Variants in MAP1B observed in about 807,000 individuals in gnomAD.
MAP1B encodes microtubule associated protein 1B.
MAP1B carries 12 observed loss-of-function variants against 176.1 expected under a neutral mutation model. That is an observed-to-expected ratio of 0.07 (90% confidence interval 0.04 to 0.11). The LOEUF is 0.11. Ranked by LOEUF, MAP1B falls within the 10% of genes least tolerant of loss-of-function variation. MAP1B has a pLI of 1.00. For missense variants in MAP1B, 2,523 were observed against 2,990.5 expected (o/e 0.84, Z 3.65); for synonymous variants, 1,044 against 1,135.0 (o/e 0.92, Z 1.61).
intron 5 of MAP1B, among the ~76,000 whole-genome samples, chr5:72,202,931 G>A (rs1394757278): frequency 3.9e-5 from 6 of 152,290 alleles, no homozygotes; most frequent in East Asian, 1.9e-4. Flanking sequence ...CTTGTCTAGG[G>A]AAAGAAGTAT....
chr5:72,197,660 A>G lies in MAP1B; in HGVS notation c.4305A>G (p.Lys1435=). 1 of 1,614,196 alleles carries G rather than the reference A, an allele frequency of 6.2e-7. No individual in the cohort carries two copies. Among genetic ancestry groups the G allele is most frequent in the African/African-American group, 1.3e-5 (1 of 75,044 alleles). The change falls in exon 5 of 7, where the codon AAA becomes AAG. Residue 1435 remains lysine (K), a synonymous_variant. Coordinates refer to ENST00000296755, the MANE Select transcript of MAP1B (RefSeq NM_005909.5). ...AESPFEEKSG[K]QGSPDQVSPV... ...GTCCTTTTGAAGAAAAGAGTGGAAA[A>G]CAAGGCTCTCCAGACCAAGTAAGTC... is the stretch of plus-strand genomic sequence containing the variant.
At position 72,186,686 on chromosome 5, in the gene MAP1B, G is replaced by A. The variant is rs1026175844; in HGVS notation, c.442G>A (p.Gly148Arg). The A allele has an allele frequency of 5.0e-6, 8 of 1,614,006 alleles. No individual in the cohort carries two copies. Among genetic ancestry groups the A allele is most frequent in the East Asian group, 2.2e-5 (1 of 44,898 alleles). Residue 148 changes from glycine to arginine, a missense_variant, in exon 4 of 7, where the codon GGA becomes AGA. Gly to Arg is a moderately radical substitution (Grantham distance 125, BLOSUM62 -2). Transcript: ENST00000296755. This position sits in a 1 kb window ranked among gnomAD's most constrained non-coding sequence, Gnocchi z 4.3. ...VLTGQCFENT[G>R]ELILQSGSFS... ...GACCGGGCAGTGCTTTGAAAATACC[G>A]GAGAGCTCATTCTCCAGTCCGGCTC... is the stretch of plus-strand genomic sequence containing the variant.
At chr5:72,168,810 C>T (rs1277166522) in intron 2 of MAP1B, among the ~76,000 whole-genome samples, 2 of 152,198 alleles carry the variant, frequency 1.3e-5, no homozygotes, top group East Asian at 3.9e-4. Context: ...GTTCAGAGTA[C>T]ATTTATCAAT....
chr5:72,188,062 G>A (rs959808422), intron 4 of MAP1B, among the ~76,000 whole-genome samples: 1 of 152,132 alleles, frequency 6.6e-6, no homozygotes, highest in Non-Finnish European at 1.5e-5. Flanking sequence ...GGCCGCTAGA[G>A]TTCACGCATC....
chr5:72,114,862 G>A (rs972366402), intron 1 of MAP1B, among the ~76,000 whole-genome samples: 1 of 152,090 alleles, frequency 6.6e-6, no homozygotes, highest in African/African-American at 2.4e-5. Context: ...TTCAGCCTAG[G>A]GAAAGGAAGT....
At chr5:72,158,217 C>T (rs574586279) in intron 2 of MAP1B, among the ~76,000 whole-genome samples, 1 of 150,886 alleles carries the variant, frequency 6.6e-6, no homozygotes, top group South Asian at 2.2e-4. Flanking sequence ...ACTATATTGT[C>T]CAGGGTGGTC....
intron 2 of MAP1B, among the ~76,000 whole-genome samples, chr5:72,171,939 C>T (rs183361791): frequency 1.3e-5 from 2 of 152,326 alleles, no homozygotes; most frequent in Admixed American, 1.3e-4. Flanking sequence ...CCACCTCACC[C>T]TTTGAAATGA....
intron 2 of MAP1B, among the ~76,000 whole-genome samples, chr5:72,133,221 C>G (rs1745766965): frequency 6.6e-6 from 1 of 152,202 alleles, no homozygotes; most frequent in East Asian, 1.9e-4. Flanking sequence ...AGCATGCACT[C>G]CTCTCCAGGA....
At chr5:72,192,453 C>T (rs935277871) in intron 4 of MAP1B, among the ~76,000 whole-genome samples, 6 of 152,212 alleles carry the variant, frequency 3.9e-5, no homozygotes, top group Non-Finnish European at 8.8e-5. Context: ...CGGCCCTTTA[C>T]ATAAAATGTT....
chr5:72,136,027 T>C (rs1745832994), intron 2 of MAP1B, among the ~76,000 whole-genome samples: 1 of 152,174 alleles, frequency 6.6e-6, no homozygotes, highest in Admixed American at 6.5e-5. Context: ...CTTTGGAGTG[T>C]TCTAGAAAGA....
chr5:72,136,490 C>CT (rs1374944479), intron 2 of MAP1B, among the ~76,000 whole-genome samples: 3 of 152,184 alleles, frequency 2.0e-5, no homozygotes, highest in African/African-American at 7.2e-5. Context: ...TCATCCAAGA[C>CT]TTGTCCTCAT....
At chr5:72,178,725 GGTGTGTGT>G (rs34082751) in intron 2 of MAP1B, among the ~76,000 whole-genome samples, 68 of 140,498 alleles carry the variant, frequency 4.8e-4, no homozygotes, top group South Asian at 3.3e-3. Flanking sequence ...GCCTCTGAGG[GGTGTGTGT>G]GTGTGTGTGT....
intron 1 of MAP1B, among the ~76,000 whole-genome samples, chr5:72,114,079 C>CAGA (rs1745391898): frequency 6.6e-6 from 1 of 152,188 alleles, no homozygotes; most frequent in Non-Finnish European, 1.5e-5. Context: ...CTGAATTCTT[C>CAGA]CCATTGATCA....
chr5:72,196,430 A>G lies in MAP1B; in HGVS notation c.3075A>G (p.Lys1025=), dbSNP rs571739603. The G allele has an allele frequency of 5.6e-6, 9 of 1,613,934 alleles. No individual in the cohort carries two copies. The East Asian group carries it at 1.8e-4, about 32-fold the overall frequency. The change falls in exon 5 of 7, where the codon AAA becomes AAG. Residue 1025 remains lysine (K), a synonymous_variant. Transcript: ENST00000296755. This position sits in a 1 kb window ranked among gnomAD's most constrained non-coding sequence, Gnocchi z 5.3. ...QSEEEADEED[K]AEDAREEEYE... ...AAGAGGAGGCTGATGAGGAGGACAAAGCTGAAGATGCCAGAGAGGAGGAAT... is the reference window on the plus strand; with the variant it reads ...AAGAGGAGGCTGATGAGGAGGACAAGGCTGAAGATGCCAGAGAGGAGGAAT...
chr5:72,120,715 T>C (rs1195017232), intron 2 of MAP1B, among the ~76,000 whole-genome samples: 8 of 152,046 alleles, frequency 5.3e-5, no homozygotes, highest in Admixed American at 3.3e-4. Context: ...CGTGAGCCAC[T>C]GCGCCCGGCC....
Position 72,195,032 on chromosome 5 carries a change from G to A in MAP1B, c.1677G>A (p.Lys559=). 6.2e-7 allele frequency: 1 copy of A among 1,614,026 alleles called. No individual in the cohort carries two copies. The highest frequency in any genetic ancestry group is 8.5e-7 in the Non-Finnish European group (1 of 1,180,028). Reference sequence around the variant, plus strand: ...CACTTCCTAGCAAATCCGTGCGCAAGGAGTCAAAAGAAGAAACCCCTGAGG... The same window carrying A: ...CACTTCCTAGCAAATCCGTGCGCAAAGAGTCAAAAGAAGAAACCCCTGAGG... ...AKPLPSKSVR[K]ESKEETPEVT... The change falls in exon 5 of 7, where the codon AAG becomes AAA. Residue 559 remains lysine, a synonymous_variant. Coordinates refer to ENST00000296755, the MANE Select transcript of MAP1B (RefSeq NM_005909.5).
rs1745303695 is a variant in MAP1B, at chr5:72,110,283, G to T, written c.184+2568G>T. 2.0e-5 allele frequency among the ~76,000 whole-genome samples: 3 copies of T among 152,108 alleles called. No homozygotes were observed. The South Asian group carries it at 6.2e-4, about 32-fold the overall frequency. On this transcript the variant is annotated intron_variant, in intron 1 of 6. Transcript: ENST00000296755. ...AATTCCCTAATTTGGTCAGGTTTTTGCATGGAACTCCGAAATGACTGTATT... is the reference window on the plus strand; with the variant it reads ...AATTCCCTAATTTGGTCAGGTTTTTTCATGGAACTCCGAAATGACTGTATT...
intron 2 of MAP1B, among the ~76,000 whole-genome samples, chr5:72,146,312 G>A (rs1746044808): frequency 6.6e-6 from 1 of 152,156 alleles, no homozygotes; most frequent in African/African-American, 2.4e-5. Context: ...TGTCAGGCAG[G>A]CCACCTTTCT....
chr5:72,127,692 T>G (rs1465746527), intron 2 of MAP1B, among the ~76,000 whole-genome samples: 1 of 152,176 alleles, frequency 6.6e-6, no homozygotes, highest in East Asian at 1.9e-4. Context: ...CAGAAAGAAA[T>G]AATTTATGTA....
Sources: allele counts gnomAD v4.1 joint callset (sites outside exome capture counted in the v4.1 genomes callset), GRCh38; gene constraint gnomAD v4.1.1; non-coding constraint Gnocchi (gnomAD v3.1); transcripts MANE v1.5; gene names NCBI Gene and HGNC (gene_info 2026-07-23, HGNC 2026-07-21).